The following CDKAL1 variants were observed in gnomAD, a reference collection of about 807,000 sequenced individuals.
The protein encoded by CDKAL1 is CDKAL1 threonylcarbamoyladenosine tRNA methylthiotransferase.
CDKAL1 carries 32 observed loss-of-function variants against 68.2 expected under a neutral mutation model. That is an observed-to-expected ratio of 0.47 (90% confidence interval 0.35 to 0.63). The LOEUF (loss-of-function observed/expected upper bound fraction) is 0.63, where lower values mean the gene tolerates loss of function less well. Among genes scored for constraint, CDKAL1 ranks in the 30% least tolerant of loss-of-function variants. CDKAL1 has a pLI of 0.00. For synonymous variants in CDKAL1, 234 were observed against 244.3 expected (o/e 0.96, Z 0.39); for missense variants, 606 against 696.7 (o/e 0.87, Z 1.47).
At chr6:20,568,401 C>A (rs1483137068) in intron 4 of CDKAL1, among the ~76,000 whole-genome samples, 3 of 152,074 alleles carry the variant, frequency 2.0e-5, no homozygotes, top group Admixed American at 1.3e-4. Context: ...TCTTCTTTCA[C>A]ATGCATTGTC....
At position 21,227,721 on chromosome 6, in the gene CDKAL1, T is replaced by C. The variant is rs1289366765; in HGVS notation, c.1549-3127T>C. 2.0e-5 allele frequency among the ~76,000 whole-genome samples: 3 copies of C among 152,212 alleles called. No homozygotes were observed. In the East Asian group the frequency reaches 5.8e-4, roughly 29 times the overall value. ...TATGAATCAGTTATGTTCAAATATG[T>C]TAAACATCTGAGGGGTGGAGAGAAA... On this transcript the variant is annotated intron_variant, in intron 15 of 15. Coordinates refer to ENST00000274695, the MANE Select transcript of CDKAL1 (RefSeq NM_017774.3).
chr6:20,794,642 C>G (rs1776037314), intron 8 of CDKAL1, among the ~76,000 whole-genome samples: 1 of 152,040 alleles, frequency 6.6e-6, no homozygotes, highest in Non-Finnish European at 1.5e-5. Context: ...ACTGTTAGAG[C>G]TAGAAAGGAT....
chr6:21,052,412 G>A (rs1357839970), intron 11 of CDKAL1, among the ~76,000 whole-genome samples: 2 of 152,052 alleles, frequency 1.3e-5, no homozygotes, highest in African/African-American at 2.4e-5. Flanking sequence ...GCAGTGACAC[G>A]ATCACAGCTC....
intron 8 of CDKAL1, among the ~76,000 whole-genome samples, chr6:20,790,240 G>A (rs1775840468): frequency 6.6e-6 from 1 of 152,196 alleles, no homozygotes; most frequent in Non-Finnish European, 1.5e-5. Context: ...AGCTCACATT[G>A]TATGACGGAT....
intron 15 of CDKAL1, among the ~76,000 whole-genome samples, chr6:21,216,895 G>A (rs1016509985): frequency 6.6e-6 from 1 of 152,180 alleles, no homozygotes; most frequent in Non-Finnish European, 1.5e-5. Flanking sequence ...ATACCTAGGA[G>A]TGGCATTGCT....
chr6:20,747,493 C>T (rs955466433), intron 6 of CDKAL1, among the ~76,000 whole-genome samples: 4 of 152,128 alleles, frequency 2.6e-5, no homozygotes, highest in Non-Finnish European at 4.4e-5. Flanking sequence ...CGCTGACACT[C>T]GTTATTTATT....
intron 6 of CDKAL1, among the ~76,000 whole-genome samples, chr6:20,743,763 T>A (rs62399295): frequency 0.057 from 8,679 of 152,254 alleles, 285 homozygotes; most frequent in African/African-American, 0.099. Context: ...GTCCAGATCC[T>A]CTGGCTTTGG....
chr6:21,070,265 A>G (rs9356760), intron 12 of CDKAL1, among the ~76,000 whole-genome samples: 67,174 of 152,100 alleles, frequency 0.44, 15,537 homozygotes, highest in East Asian at 0.86. Flanking sequence ...ATCCTGCCAT[A>G]AGAATGTTAA....
intron 9 of CDKAL1, among the ~76,000 whole-genome samples, chr6:20,936,137 A>G (rs1224421928): frequency 6.6e-6 from 1 of 151,508 alleles, no homozygotes; most frequent in Non-Finnish European, 1.5e-5. Context: ...TATTATCTTC[A>G]CATCTTTCTG....
chr6:21,061,455 G>A (rs909031566), intron 11 of CDKAL1, among the ~76,000 whole-genome samples: 14 of 152,066 alleles, frequency 9.2e-5, no homozygotes, highest in Middle Eastern at 3.4e-3. Context: ...ATTACACACA[G>A]CTTAAATAAG....
intron 4 of CDKAL1, among the ~76,000 whole-genome samples, chr6:20,626,604 A>G (rs537560541): frequency 6.6e-6 from 1 of 152,300 alleles, no homozygotes; most frequent in Admixed American, 6.5e-5. Context: ...TGTATGTAAC[A>G]GAATACCCAA....
At chr6:20,542,952 G>A (rs1763445207) in intron 2 of CDKAL1, among the ~76,000 whole-genome samples, 1 of 152,156 alleles carries the variant, frequency 6.6e-6, no homozygotes, top group South Asian at 2.1e-4. Flanking sequence ...TCTTCATTCA[G>A]CATAATTCTC....
chr6:21,170,717 A>G (rs1035128119), intron 13 of CDKAL1, among the ~76,000 whole-genome samples: 2 of 152,222 alleles, frequency 1.3e-5, no homozygotes, highest in Non-Finnish European at 2.9e-5. Flanking sequence ...TTCTGATGCA[A>G]TGAATATGTT....
chr6:20,995,209 C>G (rs1767037338), intron 10 of CDKAL1, among the ~76,000 whole-genome samples: 1 of 152,172 alleles, frequency 6.6e-6, no homozygotes, highest in South Asian at 2.1e-4. Flanking sequence ...GTCTTGAACC[C>G]CTCAAAGTTA....
chr6:20,544,940 C>T (rs1763535013), intron 2 of CDKAL1, among the ~76,000 whole-genome samples: 1 of 149,704 alleles, frequency 6.7e-6, no homozygotes, highest in Non-Finnish European at 1.5e-5. Flanking sequence ...GCCTTTGTAG[C>T]GTGCCTGGGG....
At chr6:20,730,198 G>A (rs1772845353) in intron 5 of CDKAL1, among the ~76,000 whole-genome samples, 2 of 151,738 alleles carry the variant, frequency 1.3e-5, no homozygotes, top group South Asian at 4.2e-4. Context: ...GGTGGCGTGT[G>A]CCTGTAGTCC....
chr6:20,541,899 A>T (rs929879273), intron 2 of CDKAL1, among the ~76,000 whole-genome samples: 1 of 152,214 alleles, frequency 6.6e-6, no homozygotes, highest in Non-Finnish European at 1.5e-5. Flanking sequence ...ACCTCAGGTG[A>T]TCTGTCCGCC....
Position 20,546,491 on chromosome 6 carries a change from G to A in CDKAL1, c.141G>A (p.Leu47=), listed in dbSNP as rs1763609443. The A allele has an allele frequency of 6.2e-7, 1 of 1,613,900 alleles. No homozygotes were observed. The highest frequency in any genetic ancestry group is 1.7e-5 in the Admixed American group (1 of 59,954). Residue 47 remains leucine, a synonymous_variant, in exon 3 of 16, where the codon TTG becomes TTA. Transcript: ENST00000274695. The stretch of plus-strand genomic sequence containing the variant: ...GAAGGCGAAATACCCAAAAATATTT[G>A]CAAGAGGAAGAAAACAGTCCACCAA... ...KVRRRNTQKY[L]QEEENSPPSD... is the part of the protein sequence containing the mutation.
At chr6:20,711,295 G>A (rs1444108032) in intron 5 of CDKAL1, among the ~76,000 whole-genome samples, 3 of 152,182 alleles carry the variant, frequency 2.0e-5, no homozygotes, top group Non-Finnish European at 4.4e-5. Flanking sequence ...TTTCGAGTAT[G>A]TCATTAGCCA....
Sources: gnomAD v4.1 joint callset for allele counts (sites outside exome capture counted in the v4.1 genomes callset) on GRCh38, gnomAD v4.1.1 for gene constraint, MANE v1.5 for transcripts, NCBI Gene and HGNC (gene_info 2026-07-23, HGNC 2026-07-21) for gene names.